PHF21B: variants seen among roughly 807,000 people sequenced by gnomAD.
The protein encoded by PHF21B is PHD finger protein 21B.
In PHF21B, 22 loss-of-function variants were observed where a neutral mutation model predicts 62.2. That is an observed-to-expected ratio of 0.35 (90% confidence interval 0.25 to 0.51). The LOEUF is 0.51. PHF21B is among the 20% of genes least tolerant of loss of function. The probability of loss-of-function intolerance (pLI) is 0.97; values close to 1 mark genes in which losing one functional copy is unlikely to be tolerated. For synonymous variants in PHF21B, 341 were observed against 314.7 expected, an observed-to-expected ratio of 1.08 and a Z score of -0.88; for missense variants, 701 against 707.9, an observed-to-expected ratio of 0.99 and a Z score of 0.11.
At chr22:45,007,144 G>T (rs927779376) in intron 2 of PHF21B, among the ~76,000 whole-genome samples, 6 of 150,642 alleles carry the variant, frequency 4.0e-5, no homozygotes, top group Non-Finnish European at 8.9e-5. Flanking sequence ...TAGCGCATTT[G>T]TCCCAAGCCT....
chr22:44,937,876 C>T (rs1055136532), intron 2 of PHF21B, among the ~76,000 whole-genome samples: 2 of 152,268 alleles, frequency 1.3e-5, no homozygotes, highest in Non-Finnish European at 2.9e-5. Flanking sequence ...AGCAGCAAAA[C>T]TAATCCCTGG....
chr22:44,929,394 C>T (rs893956283), intron 2 of PHF21B, among the ~76,000 whole-genome samples: 7 of 152,224 alleles, frequency 4.6e-5, no homozygotes, highest in Non-Finnish European at 7.3e-5. Context: ...GAGCCCCAAG[C>T]TCATCCAGGA....
chr22:44,955,728 CCA>C (rs1169968350), intron 2 of PHF21B, among the ~76,000 whole-genome samples: 2 of 152,174 alleles, frequency 1.3e-5, no homozygotes, highest in East Asian at 3.9e-4. Context: ...TCCAGAGTCT[CCA>C]GTTTCCAGGT....
At chr22:44,888,321 G>T (rs1012504870) in intron 9 of PHF21B, among the ~76,000 whole-genome samples, 200 bp from the exon 10 acceptor site, 7 of 152,130 alleles carry the variant, frequency 4.6e-5, no homozygotes, top group African/African-American at 1.4e-4. Context: ...CCTGGGAGGA[G>T]GGGGGGCACC....
At chr22:44,963,140 A>C (rs1394771918) in intron 2 of PHF21B, among the ~76,000 whole-genome samples, 1 of 152,244 alleles carries the variant, frequency 6.6e-6, no homozygotes, top group East Asian at 1.9e-4. Flanking sequence ...GACACTCTGC[A>C]GCTGTGACAT....
At chr22:44,964,608 G>A (rs1050625050) in intron 2 of PHF21B, among the ~76,000 whole-genome samples, 5 of 152,266 alleles carry the variant, frequency 3.3e-5, no homozygotes, top group Non-Finnish European at 7.3e-5. Context: ...TTTAAAGGGA[G>A]ATGACTCCCA....
chr22:45,008,686 C>T (rs1488463533), intron 1 of PHF21B, 76 bp from the exon 2 acceptor site: 2 of 1,240,630 alleles, frequency 1.6e-6, no homozygotes, highest in Non-Finnish European at 2.0e-6. Flanking sequence ...GGCCGCGGCA[C>T]CCCCCGCCCG....
intron 5 of PHF21B, among the ~76,000 whole-genome samples, chr22:44,911,291 C>T (rs1482325630): frequency 4.6e-5 from 7 of 152,168 alleles, no homozygotes; most frequent in Non-Finnish European, 5.9e-5. Flanking sequence ...GAAATTCAAG[C>T]TGGCTGCAGA....
intron 5 of PHF21B, among the ~76,000 whole-genome samples, chr22:44,911,980 T>C (rs2071351595): frequency 6.6e-6 from 1 of 152,214 alleles, no homozygotes; most frequent in African/African-American, 2.4e-5. Flanking sequence ...GAAGCCCAGC[T>C]CTTGAATCAG....
intron 2 of PHF21B, among the ~76,000 whole-genome samples, chr22:44,922,244 G>A (rs2071551217): frequency 6.6e-6 from 1 of 152,376 alleles, no homozygotes; most frequent in African/African-American, 2.4e-5. Flanking sequence ...ACACATGGAA[G>A]AAGAAAAACC....
Position 45,005,182 on chromosome 22 carries a change from A to G in PHF21B, c.120+3363T>C, listed in dbSNP as rs182288831. On this transcript the variant is annotated intron_variant, in intron 2 of 12. Transcript: ENST00000313237. ...CTGCCCCTGCATGTGCTGCAATCTC[A>G]TGGTGTAAACCACTGGAGCAGCTAA... Among the ~76,000 whole-genome samples, 13 of 152,258 alleles carry G rather than the reference A, an allele frequency of 8.5e-5. No homozygotes were observed. The East Asian group carries it at 2.1e-3, about 25-fold the overall frequency.
At chr22:44,954,872 C>G in intron 2 of PHF21B, among the ~76,000 whole-genome samples, 1 of 152,150 alleles carries the variant, frequency 6.6e-6, no homozygotes, top group East Asian at 1.9e-4. Flanking sequence ...AAGGAAGAGG[C>G]AAATCTTGCC....
At chr22:44,987,579 G>A (rs976039958) in intron 2 of PHF21B, among the ~76,000 whole-genome samples, 3 of 152,124 alleles carry the variant, frequency 2.0e-5, no homozygotes, top group African/African-American at 7.2e-5. Context: ...GGGAGGCTGT[G>A]CACAGGGTTA....
At chr22:45,008,813 G>C (rs1272914376) in intron 1 of PHF21B, 6 of 1,182,096 alleles carry the variant, frequency 5.1e-6, no homozygotes, top group Non-Finnish European at 6.3e-6. Flanking sequence ...CCGCCTCATC[G>C]GGGCAGCTCG....
At chr22:44,883,336 C>T in intron 12 of PHF21B, 32 bp from the exon 13 acceptor site, 1 of 1,600,580 alleles carries the variant, frequency 6.2e-7, no homozygotes, top group Non-Finnish European at 8.5e-7. Context: ...GAAAGGGTCT[C>T]AGTATTCGGC....
intron 2 of PHF21B, among the ~76,000 whole-genome samples, chr22:44,965,909 C>G (rs889727138): frequency 6.6e-6 from 1 of 152,226 alleles, no homozygotes; most frequent in Admixed American, 6.5e-5. Context: ...TGCACACCCC[C>G]TGCTCCACCA....
chr22:44,931,958 C>G (rs1483041409), intron 2 of PHF21B, among the ~76,000 whole-genome samples: 4 of 152,148 alleles, frequency 2.6e-5, no homozygotes. Flanking sequence ...GTCCAAAATC[C>G]AGGGAGGGGC....
chr22:44,895,383 T>C (rs1405022142), intron 6 of PHF21B, among the ~76,000 whole-genome samples: 1 of 152,214 alleles, frequency 6.6e-6, no homozygotes, highest in Admixed American at 6.5e-5. Flanking sequence ...CCCTCATCCG[T>C]AAGGTCACAC....
At chr22:44,934,291 C>T (rs142027825) in intron 2 of PHF21B, among the ~76,000 whole-genome samples, 18 of 152,360 alleles carry the variant, frequency 1.2e-4, no homozygotes, top group African/African-American at 3.8e-4. Flanking sequence ...GATGTTAGAA[C>T]AGCCTGGTAC....
Sources: gnomAD v4.1 joint callset for allele counts (sites outside exome capture counted in the v4.1 genomes callset) on GRCh38, gnomAD v4.1.1 for gene constraint, MANE v1.5 for transcripts, NCBI Gene and HGNC (gene_info 2026-07-23, HGNC 2026-07-21) for gene names.